Variants in SRPK2 observed in about 807,000 individuals in gnomAD.
The protein encoded by SRPK2 is SRSF protein kinase 2.
In SRPK2, 21 loss-of-function variants were observed where a neutral mutation model predicts 90.8. The observed-to-expected ratio is 0.23, with a 90% CI of 0.16 to 0.33. The LOEUF is 0.33. Among genes scored for constraint, SRPK2 ranks in the 10% least tolerant of loss-of-function variants. The pLI is 1.00. For synonymous variants in SRPK2, 288 were observed against 311.1 expected (o/e 0.93, Z 0.78); for missense variants, 620 against 869.0 (o/e 0.71, Z 3.60).
Position 105,388,914 on chromosome 7 carries a change from C to G in SRPK2, c.-108G>C, listed in dbSNP as rs1477166478. On this transcript the variant is annotated 5_prime_UTR_variant, in exon 1 of 16. Coordinates refer to ENST00000393651, the MANE Select transcript of SRPK2 (RefSeq NM_182692.3). ...TCCGCCGGCCGGGAGGAGACGAGAA[C>G]CGCGCCTGCGCCGCCGCCGCCGCCG... 2 of 1,219,466 alleles carry G rather than the reference C, an allele frequency of 1.6e-6. No homozygotes were observed. Among genetic ancestry groups the G allele is most frequent in the Non-Finnish European group, 1.0e-6 (1 of 982,772 alleles). 75.5% of individuals were successfully genotyped at this position (1,219,466 alleles called of 1,614,324 possible). A position where few individuals can be genotyped will look rare whatever the true frequency, so the allele number is the denominator to read the frequency against.
chr7:105,174,082 T>A (rs867140637), intron 3 of SRPK2, among the ~76,000 whole-genome samples: 81 of 134,922 alleles, frequency 6.0e-4, no homozygotes, highest in Non-Finnish European at 8.2e-4. Flanking sequence ...CTGTCTCTAA[T>A]AAAAAAAAAA....
At position 105,273,551 on chromosome 7, in the gene SRPK2, G is replaced by A. The variant is rs572480004; in HGVS notation, c.72-69766C>T. 4.6e-5 allele frequency among the ~76,000 whole-genome samples: 7 copies of A among 151,216 alleles called. No homozygotes were observed. The East Asian group carries it at 5.9e-4, about 13-fold the overall frequency. On this transcript the variant is annotated intron_variant, in intron 2 of 15. Coordinates refer to ENST00000393651, the MANE Select transcript of SRPK2 (RefSeq NM_182692.3). ...AGCGATTCTCCTGCCTCAGCCCCCC[G>A]AGTAGCTGGGATTACAGGTGGGCAC...
chr7:105,196,552 G>C (rs1794938923), intron 3 of SRPK2, among the ~76,000 whole-genome samples: 1 of 152,302 alleles, frequency 6.6e-6, no homozygotes, highest in South Asian at 2.1e-4. Context: ...AGAGATGCCA[G>C]TAGCAGCCCG....
chr7:105,203,276 C>T (rs547404631), intron 3 of SRPK2, among the ~76,000 whole-genome samples: 76 of 152,308 alleles, frequency 5.0e-4, no homozygotes, highest in African/African-American at 1.5e-3. Flanking sequence ...AGGCTTCAGC[C>T]ACCGCACTGG....
intron 2 of SRPK2, chr7:105,244,613 G>A (rs1801323419): frequency 4.5e-6 from 3 of 667,554 alleles, no homozygotes; most frequent in Non-Finnish European, 7.9e-6. Flanking sequence ...CGCGGCGCCA[G>A]CCCCAGCGCG....
chr7:105,287,910 C>T (rs538614334), intron 2 of SRPK2, among the ~76,000 whole-genome samples: 1 of 152,214 alleles, frequency 6.6e-6, no homozygotes, highest in East Asian at 1.9e-4. Context: ...CCAAAGGATG[C>T]CCCATTTAAA....
chr7:105,128,570 A>T (rs1801537331), intron 13 of SRPK2, among the ~76,000 whole-genome samples: 2 of 152,222 alleles, frequency 1.3e-5, no homozygotes, highest in South Asian at 4.1e-4. Context: ...GTATCTTACA[A>T]GCTAAGAGAA....
intron 2 of SRPK2, among the ~76,000 whole-genome samples, chr7:105,363,929 C>A (rs1218637195): frequency 1.3e-5 from 2 of 151,012 alleles, no homozygotes; most frequent in Non-Finnish European, 2.9e-5. Context: ...CAAACTATCA[C>A]AAGGACAGAA....
intron 2 of SRPK2, among the ~76,000 whole-genome samples, chr7:105,263,167 A>G (rs1038386768): frequency 1.3e-5 from 2 of 152,160 alleles, no homozygotes; most frequent in Admixed American, 6.5e-5. Context: ...TACTAAAAAT[A>G]CAAAAATTAG....
At chr7:105,390,615 T>TTTG (rs1563326737), upstream of SRPK2, among the ~76,000 whole-genome samples, 1 of 148,070 alleles carries the variant, frequency 6.8e-6, no homozygotes, top group African/African-American at 2.5e-5. Flanking sequence ...TTGTTTTTTT[T>TTTG]TTTTTTTTTT....
At chr7:105,129,738 A>T (rs1801737588) in intron 13 of SRPK2, among the ~76,000 whole-genome samples, 1 of 152,130 alleles carries the variant, frequency 6.6e-6, no homozygotes, top group Admixed American at 6.5e-5. Flanking sequence ...TACTTGGCTC[A>T]ATCCCCTCAA....
At chr7:105,328,245 T>G (rs1376702029) in intron 2 of SRPK2, among the ~76,000 whole-genome samples, 2 of 152,132 alleles carry the variant, frequency 1.3e-5, no homozygotes, top group Non-Finnish European at 2.9e-5. Flanking sequence ...TAAATCAATA[T>G]GCAGCCCAAT....
At chr7:105,144,241 A>ATTTT (rs35535485) in intron 9 of SRPK2, among the ~76,000 whole-genome samples, 49 of 117,190 alleles carry the variant, frequency 4.2e-4, no homozygotes, top group South Asian at 5.6e-4. Flanking sequence ...CACCCGGCTA[A>ATTTT]TTTTTTTTTT....
chr7:105,292,497 C>CAAAAAAAAAAAAA (rs397889533), intron 2 of SRPK2, among the ~76,000 whole-genome samples: 1 of 74,790 alleles, frequency 1.3e-5, no homozygotes, highest in Non-Finnish European at 2.6e-5. Context: ...GTAAGACTCT[C>CAAAAAAAAAAAAA]AAAAAAAAAA....
intron 2 of SRPK2, among the ~76,000 whole-genome samples, chr7:105,385,171 A>ATTTTTTT (rs767913304): frequency 6.0e-5 from 3 of 49,674 alleles, no homozygotes; most frequent in African/African-American, 2.9e-4. Context: ...CGCGCCCGGC[A>ATTTTTTT]TTTTTTTTTT....
intron 2 of SRPK2, chr7:105,306,703 T>C: frequency 3.0e-6 from 1 of 337,878 alleles, no homozygotes; most frequent in Non-Finnish European, 5.8e-6. Context: ...TTATCTGCAA[T>C]CCATTTTAAT....
At chr7:105,334,137 A>G (rs1283840932) in intron 2 of SRPK2, among the ~76,000 whole-genome samples, 5 of 152,096 alleles carry the variant, frequency 3.3e-5, no homozygotes, top group African/African-American at 1.2e-4. Flanking sequence ...GCTGGAGTGC[A>G]GTGGCGCAAT....
At chr7:105,359,317 T>C (rs893470051) in intron 2 of SRPK2, among the ~76,000 whole-genome samples, 6 of 151,850 alleles carry the variant, frequency 4.0e-5, no homozygotes, top group Non-Finnish European at 5.9e-5. Flanking sequence ...TGCCACCATG[T>C]CCAGCTAATT....
intron 2 of SRPK2, among the ~76,000 whole-genome samples, chr7:105,304,954 C>T (rs1164162139): frequency 6.6e-6 from 1 of 152,190 alleles, no homozygotes; most frequent in Non-Finnish European, 1.5e-5. Flanking sequence ...TAAAACCAAA[C>T]TATTACACAG....
Sources: allele counts gnomAD v4.1 joint callset (sites outside exome capture counted in the v4.1 genomes callset), GRCh38; gene constraint gnomAD v4.1.1; transcripts MANE v1.5; gene names NCBI Gene and HGNC (gene_info 2026-07-23, HGNC 2026-07-21).